ASAP1: variants seen among roughly 807,000 people sequenced by gnomAD.
ASAP1 encodes the protein arf-GAP with SH3 domain, ANK repeat and PH domain-containing protein 1.
In ASAP1, 43 loss-of-function variants were observed where a neutral mutation model predicts 145.2. The ratio of observed to expected loss-of-function variants is 0.30; its 90% CI spans 0.23 to 0.38. The LOEUF (loss-of-function observed/expected upper bound fraction) is 0.38. ASAP1 is among the 10% of genes least tolerant of loss of function. The probability of loss-of-function intolerance (pLI) is 1.00; values close to 1 mark genes in which losing one functional copy is unlikely to be tolerated. For synonymous variants in ASAP1, 546 were observed against 515.5 expected, an observed-to-expected ratio of 1.06 and a Z score of -0.80; for missense variants, 1,018 against 1,355.3, an observed-to-expected ratio of 0.75 and a Z score of 3.91.
At chr8:130,066,222 T>A (rs2097430381) in intron 27 of ASAP1, among the ~76,000 whole-genome samples, 1 of 152,208 alleles carries the variant, frequency 6.6e-6, no homozygotes, top group South Asian at 2.1e-4. Flanking sequence ...GTTGTTACAA[T>A]GGCCATGACT....
intron 25 of ASAP1, 74 bp from the exon 26 acceptor site, chr8:130,080,045 T>C (rs990767450): frequency 7.4e-7 from 1 of 1,347,120 alleles, no homozygotes; most frequent in Non-Finnish European, 1.1e-6. Flanking sequence ...GGGTTTGGCC[T>C]GTAGACAGGC....
In ASAP1 at chr8:130,101,732, A is replaced by ATTTTTTTTTTTTTTTTTTTTTT. The variant is rs59778799; in HGVS notation, c.2402-9590_2402-9589insAAAAAAAAAAAAAAAAAAAAAA. 4.7e-4 allele frequency among the ~76,000 whole-genome samples: 41 copies of ATTTTTTTTTTTTTTTTTTTTTT among 86,912 alleles called. 3 individuals are homozygous for ATTTTTTTTTTTTTTTTTTTTTT. Among genetic ancestry groups the ATTTTTTTTTTTTTTTTTTTTTT allele is most frequent in the African/African-American group, 1.6e-3 (29 of 18,088 alleles). 57.0% of individuals were successfully genotyped at this position (86,912 alleles called of 152,430 possible). A position where few individuals can be genotyped will look rare whatever the true frequency, so the allele number is the denominator to read the frequency against. ...AGGCATGTGCTACCACACCTGGTTA[A>ATTTTTTTTTTTTTTTTTTTTTT]TTTTTTTTTTTTTTTTTTTTGCAGA... On this transcript the variant is annotated intron_variant, in intron 24 of 29. Transcript: ENST00000518721.
intron 5 of ASAP1, among the ~76,000 whole-genome samples, chr8:130,208,974 G>A (rs1194556329): frequency 6.6e-6 from 1 of 152,108 alleles, no homozygotes; most frequent in Non-Finnish European, 1.5e-5. Flanking sequence ...TAAACTCCAA[G>A]TGTCAATTAT....
chr8:130,312,435 A>G (rs1037922116), intron 3 of ASAP1, among the ~76,000 whole-genome samples: 51 of 149,938 alleles, frequency 3.4e-4, no homozygotes, highest in Non-Finnish European at 1.0e-4. Flanking sequence ...GCAAAATACA[A>G]TATCACTAAA....
intron 1 of ASAP1, among the ~76,000 whole-genome samples, chr8:130,437,508 T>G (rs1830354981): frequency 6.6e-6 from 1 of 152,204 alleles, no homozygotes; most frequent in Non-Finnish European, 1.5e-5. Flanking sequence ...CCACCGACCA[T>G]TCCACTGAGC....
intron 3 of ASAP1, among the ~76,000 whole-genome samples, chr8:130,258,579 G>C (rs17284300): frequency 6.6e-6 from 1 of 152,164 alleles, no homozygotes; most frequent in Non-Finnish European, 1.5e-5. Flanking sequence ...GCTCTACCTC[G>C]GAAGGGCTCT....
At chr8:130,250,248 C>A (rs1193725130) in intron 3 of ASAP1, among the ~76,000 whole-genome samples, 1 of 151,980 alleles carries the variant, frequency 6.6e-6, no homozygotes, top group Non-Finnish European at 1.5e-5. Flanking sequence ...AGAAGACATG[C>A]ATTAATAATG....
intron 1 of ASAP1, among the ~76,000 whole-genome samples, chr8:130,429,308 T>A (rs948790045): frequency 6.6e-6 from 1 of 152,224 alleles, no homozygotes; most frequent in Non-Finnish European, 1.5e-5. Flanking sequence ...GTCATCTTCA[T>A]CACCACTGTC....
chr8:130,399,939 C>A (rs960536947), intron 2 of ASAP1, among the ~76,000 whole-genome samples: 1 of 151,924 alleles, frequency 6.6e-6, no homozygotes, highest in Non-Finnish European at 1.5e-5. Context: ...CCTGCCTCAG[C>A]CTCCCAAGTA....
rs150101048 is a variant in ASAP1 at position 130,428,113 on chromosome 8, G to A, written c.-28+15347C>T. On this transcript the variant is annotated intron_variant, in intron 1 of 29. Coordinates refer to ENST00000518721, the MANE Select transcript of ASAP1 (RefSeq NM_018482.4). ...TGGGCCACCATCTGAGAGAACTTTG[G>A]GGATTCCCTTTTCCCACACAGTCAT... 6.0e-3 allele frequency among the ~76,000 whole-genome samples: 911 copies of A among 152,108 alleles called. 4 individuals are homozygous for A. The highest frequency in any genetic ancestry group is 7.2e-3 in the Non-Finnish European group (493 of 68,002).
intron 2 of ASAP1, among the ~76,000 whole-genome samples, chr8:130,367,767 C>T (rs1458729290): frequency 2.6e-5 from 4 of 152,176 alleles, no homozygotes; most frequent in East Asian, 1.9e-4. Context: ...GGAGGTCTTC[C>T]GTCTGGGTTG....
chr8:130,081,586 G>A (rs895778565), intron 25 of ASAP1, among the ~76,000 whole-genome samples: 2 of 59,346 alleles, frequency 3.4e-5, no homozygotes, highest in African/African-American at 1.7e-4. Flanking sequence ...AGAGGGCAGG[G>A]CTGAAAAAAA....
chr8:130,311,977 A>G (rs1823384590), intron 3 of ASAP1, among the ~76,000 whole-genome samples: 2 of 152,190 alleles, frequency 1.3e-5, no homozygotes, highest in Non-Finnish European at 2.9e-5. Context: ...AATTCAGCCT[A>G]GAACATGTAG....
chr8:130,108,920 C>T (rs753950476), intron 24 of ASAP1, among the ~76,000 whole-genome samples: 8 of 151,932 alleles, frequency 5.3e-5, no homozygotes, highest in Middle Eastern at 3.4e-3. Context: ...GGATTACAGG[C>T]AGGCGCCACT....
At chr8:130,284,474 T>C (rs990074069) in intron 3 of ASAP1, among the ~76,000 whole-genome samples, 4 of 152,056 alleles carry the variant, frequency 2.6e-5, no homozygotes, top group African/African-American at 4.8e-5. Context: ...GGAAAACCCA[T>C]GAAAATTTTT....
intron 4 of ASAP1, among the ~76,000 whole-genome samples, chr8:130,220,975 G>T (rs1029996469): frequency 1.3e-5 from 2 of 152,046 alleles, no homozygotes; most frequent in Non-Finnish European, 2.9e-5. Flanking sequence ...TTCCTATGAG[G>T]TCCCTCCCCC....
intron 3 of ASAP1, among the ~76,000 whole-genome samples, chr8:130,250,027 A>G (rs920943758): frequency 1.2e-4 from 18 of 152,222 alleles, no homozygotes; most frequent in African/African-American, 4.3e-4. Flanking sequence ...TTAATTTAAA[A>G]AAAAGTAACA....
At chr8:130,370,994 G>T (rs1295841112) in intron 2 of ASAP1, among the ~76,000 whole-genome samples, 1 of 152,080 alleles carries the variant, frequency 6.6e-6, no homozygotes, top group Non-Finnish European at 1.5e-5. Flanking sequence ...ATCATTTTGT[G>T]AATACACTAA....
At chr8:130,074,422 G>A (rs1275324841) in intron 27 of ASAP1, among the ~76,000 whole-genome samples, 5 of 131,300 alleles carry the variant, frequency 3.8e-5, no homozygotes, top group Admixed American at 8.1e-5. Flanking sequence ...TGTTTATTAC[G>A]GAAAATTCCA....
Sources: gnomAD v4.1 joint callset for allele counts (sites outside exome capture counted in the v4.1 genomes callset) on GRCh38, gnomAD v4.1.1 for gene constraint, MANE v1.5 for transcripts, NCBI Gene and HGNC (gene_info 2026-07-23, HGNC 2026-07-21) for gene names.